ZNF845: variants seen among roughly 807,000 people sequenced by gnomAD.
ZNF845 encodes zinc finger protein 845.
In ZNF845, 59 loss-of-function variants were observed where a neutral mutation model predicts 76.1. The observed-to-expected ratio is 0.78, with a 90% CI of 0.63 to 0.96. The LOEUF is 0.96. ZNF845 is among the 40% of genes least tolerant of loss of function. The pLI, the probability that ZNF845 is intolerant of heterozygous loss-of-function variation, is 0.00. For missense variants in ZNF845, 1,045 were observed against 1,172.8 expected (o/e 0.89, Z 1.59); for synonymous variants, 361 against 386.9 (o/e 0.93, Z 0.78).
intron 3 of ZNF845, among the ~76,000 whole-genome samples, chr19:53,346,699 C>T (rs10424014): frequency 0.068 from 10,409 of 152,172 alleles, 695 homozygotes; most frequent in African/African-American, 0.18. Context: ...ATTTTCATCA[C>T]CTGTGAAAAC....
rs778200712 is a variant in ZNF845, at chr19:53,352,332, T to C, written c.1657T>C (p.Cys553Arg). The change falls in exon 4 of 4, where the codon TGT becomes CGT. Residue 553 changes from cysteine to arginine, a missense_variant. Coordinates refer to ENST00000458035, the MANE Select transcript of ZNF845 (RefSeq NM_138374.3). ...TCATACTGGAGAGAAACCTTACCAG[T>C]GTAATGAGTGTGGCAAAGCCTTTCG... ...RLHTGEKPYQCNECGKAFRGQ... is the reference protein window; with the variant it reads ...RLHTGEKPYQRNECGKAFRGQ... The C allele has an allele frequency of 9.3e-6, 15 of 1,613,868 alleles. No homozygotes were observed. The highest frequency in any genetic ancestry group is 6.7e-5 in the East Asian group (3 of 44,842).
rs1395094253 is a variant in ZNF845, at chr19:53,353,395, G to T, written c.2720G>T (p.Arg907Ile). The change falls in exon 4 of 4, where the codon AGA becomes ATA. Residue 907 changes from arginine to isoleucine, a missense_variant. Arg to Ile is a moderately conservative substitution (Grantham distance 97). Transcript: ENST00000458035. ...NQQAHLACHH[R>I]IHTGEKPYKC... ...CAAGCACACCTTGCATGTCATCATA[G>T]AATTCATACTGGAGAGAAACCTTAC... The T allele has an allele frequency of 1.2e-6, 2 of 1,610,500 alleles. No individual in the cohort carries two copies. The highest frequency in any genetic ancestry group is 1.7e-6 in the Non-Finnish European group (2 of 1,179,290).
chr19:53,351,008 A>G lies in ZNF845; in HGVS notation c.333A>G (p.Ala111=), dbSNP rs901798722. 5 of 1,614,178 alleles carry G rather than the reference A, an allele frequency of 3.1e-6. No homozygotes were observed. The highest frequency in any genetic ancestry group is 4.2e-6 in the Non-Finnish European group (5 of 1,180,030). The change falls in exon 4 of 4, where the codon GCA becomes GCG. Residue 111 remains alanine (A), a synonymous_variant. Coordinates refer to ENST00000458035, the MANE Select transcript of ZNF845 (RefSeq NM_138374.3). ...AAGATGAAAGAAATAGCCATGAAGC[A>G]CCCATGACAGAAATCAAACAGTTGA... ...WKEDERNSHE[A]PMTEIKQLTG...
rs57892423 is a variant in ZNF845 at position 53,350,697 on chromosome 19, C to G, written c.143-121C>G. 138 of 1,348,088 alleles carry G rather than the reference C, an allele frequency of 1.0e-4. No individual in the cohort carries two copies. The African/African-American group carries it at 1.9e-3, about 18-fold the overall frequency. The allele number at this position is 1,348,088 out of a possible 1,614,324, so 83.5% of individuals were successfully genotyped here. Reference sequence around the variant, plus strand: ...AATCTTACCCTTTTGCGTTCCTAAACTTTCAAGATAATGTTTGGGAAGTTT... The same window carrying G: ...AATCTTACCCTTTTGCGTTCCTAAAGTTTCAAGATAATGTTTGGGAAGTTT... On this transcript the variant is annotated intron_variant, in intron 3 of 3. Transcript: ENST00000458035.
chr19:53,350,472 A>C (rs1188772995), intron 3 of ZNF845, among the ~76,000 whole-genome samples: 1 of 152,192 alleles, frequency 6.6e-6, no homozygotes, highest in Non-Finnish European at 1.5e-5. Flanking sequence ...AAATATGAAG[A>C]ATATATGCTT....
At chr19:53,342,044 G>A (rs1183257973) in intron 2 of ZNF845, among the ~76,000 whole-genome samples, 1 of 151,812 alleles carries the variant, frequency 6.6e-6, no homozygotes, top group East Asian at 1.9e-4. Flanking sequence ...TATGGGAGCA[G>A]TACTTCATTT....
rs1163585261 is a variant in ZNF845, at chr19:53,355,925, G to A, written c.*2337G>A. On this transcript the variant is annotated 3_prime_UTR_variant, in exon 4 of 4. Transcript: ENST00000458035. ...TTTTTATCTGTCATTCTGTGCAAGT[G>A]TGTATCCCATTGATTTGAGTATGTT... 6.6e-6 allele frequency: 1 copy of A among 152,180 alleles called. No homozygotes were observed. The highest frequency in any genetic ancestry group is 1.5e-5 in the Non-Finnish European group (1 of 68,026). 9.4% of individuals were successfully genotyped at this position (152,180 alleles called of 1,614,324 possible). A position where few individuals can be genotyped will look rare whatever the true frequency, so the allele number is the denominator to read the frequency against.
chr19:53,344,133 C>G (rs972582670), intron 2 of ZNF845, among the ~76,000 whole-genome samples: 2 of 152,158 alleles, frequency 1.3e-5, no homozygotes, highest in African/African-American at 4.8e-5. Context: ...GCCACTGTGC[C>G]AGGCTGGATT....
At chr19:53,338,813 G>C (rs1355438873) in intron 1 of ZNF845, among the ~76,000 whole-genome samples, 1 of 151,988 alleles carries the variant, frequency 6.6e-6, no homozygotes, top group Non-Finnish European at 1.5e-5. Context: ...GTGTGTGGTG[G>C]CTCACGCCTG....
At chr19:53,336,000 T>C (rs546111796) in intron 1 of ZNF845, among the ~76,000 whole-genome samples, 16 of 151,330 alleles carry the variant, frequency 1.1e-4, no homozygotes, top group Non-Finnish European at 2.2e-4. Context: ...GATCACAAGG[T>C]CAGGAATTCA....
chr19:53,347,697 G>C (rs1401246723), intron 3 of ZNF845, among the ~76,000 whole-genome samples: 1 of 152,146 alleles, frequency 6.6e-6, no homozygotes, highest in Admixed American at 6.5e-5. Context: ...GTCAGCCTTC[G>C]GTGATGTTGA....
chr19:53,350,628 A>G (rs191471594), intron 3 of ZNF845, among the ~76,000 whole-genome samples, 190 bp from the exon 4 acceptor site: 2 of 152,334 alleles, frequency 1.3e-5, no homozygotes, highest in Admixed American at 1.3e-4. Flanking sequence ...AGGCTTCCAT[A>G]GAAATGATTT....
chr19:53,353,162 A>C lies in ZNF845; in HGVS notation c.2487A>C (p.Lys829Asn). Residue 829 changes from lysine (K) to asparagine (N), a missense_variant, in exon 4 of 4, where the codon AAA (lysine) becomes AAC (asparagine). By Grantham distance (94) the Lys-to-Asn change is moderately conservative. Coordinates refer to ENST00000458035, the MANE Select transcript of ZNF845 (RefSeq NM_138374.3). ...VIHKAIHSGE[K>N]PYKCNECGKT... ...ATAAGGCAATTCATAGTGGAGAGAA[A>C]CCTTACAAGTGTAATGAGTGTGGCA... The C allele has an allele frequency of 6.2e-7, 1 of 1,613,092 alleles. No individual in the cohort carries two copies. Among genetic ancestry groups the C allele is most frequent in the Non-Finnish European group, 8.5e-7 (1 of 1,179,164 alleles).
intron 3 of ZNF845, among the ~76,000 whole-genome samples, chr19:53,349,204 G>A (rs1044913169): frequency 6.6e-6 from 1 of 151,860 alleles, no homozygotes; most frequent in African/African-American, 2.4e-5. Context: ...TTTTGACCTC[G>A]TACATCAGAA....
intron 1 of ZNF845, among the ~76,000 whole-genome samples, chr19:53,336,633 C>CTTTTT (rs398035035): frequency 4.2e-4 from 39 of 92,394 alleles, no homozygotes; most frequent in East Asian, 6.9e-4. Flanking sequence ...TTCTTTCTTT[C>CTTTTT]TTTTTTTTTT....
chr19:53,340,079 T>G (rs1206211970), intron 1 of ZNF845, among the ~76,000 whole-genome samples: 1 of 152,100 alleles, frequency 6.6e-6, no homozygotes, highest in Non-Finnish European at 1.5e-5. Flanking sequence ...GAGACAGAGT[T>G]TTGCTCTTGT....
rs1356794039 is a variant in ZNF845, at chr19:53,356,683, A to G, written c.*3095A>G. 4 of 152,156 alleles carry G rather than the reference A, an allele frequency of 2.6e-5. No individual in the cohort carries two copies. Among genetic ancestry groups the G allele is most frequent in the African/African-American group, 9.7e-5 (4 of 41,428 alleles). 9.4% of individuals were successfully genotyped at this position (152,156 alleles called of 1,614,324 possible). A position where few individuals can be genotyped will look rare whatever the true frequency, so the allele number is the denominator to read the frequency against. ...GGTGGCTCACGCCTGTAATCCCAGC[A>G]CTTTGGGAGGCTAAGGTGGGCGGAT... On this transcript the variant is annotated 3_prime_UTR_variant, in exon 4 of 4. Coordinates refer to ENST00000458035, the MANE Select transcript of ZNF845 (RefSeq NM_138374.3).
In ZNF845 at chr19:53,351,409, G is replaced by C. The variant is rs746322112; in HGVS notation, c.734G>C (p.Cys245Ser). 6.2e-7 allele frequency: 1 copy of C among 1,614,230 alleles called. No individual in the cohort carries two copies. ...CATTTAGGAGCGAAACAATATAAAT[G>C]TGATGTGTGTGGCAAGGTCTTTAAT... ...IIHLGAKQYKCDVCGKVFNQK... is the reference protein window; with the variant it reads ...IIHLGAKQYKSDVCGKVFNQK... The change falls in exon 4 of 4, where the codon TGT becomes TCT. Residue 245 changes from cysteine (C) to serine (S), a missense_variant. By Grantham distance (112) the Cys-to-Ser change is moderately radical. Coordinates refer to ENST00000458035, the MANE Select transcript of ZNF845 (RefSeq NM_138374.3).
At chr19:53,350,755 A>G in intron 3 of ZNF845, 63 bp from the exon 4 acceptor site, 1 of 1,544,422 alleles carries the variant, frequency 6.5e-7, no homozygotes, top group South Asian at 1.2e-5. Flanking sequence ...TCACATTTAC[A>G]CATTTCAGTA....
Sources: allele counts gnomAD v4.1 joint callset (sites outside exome capture counted in the v4.1 genomes callset), GRCh38; gene constraint gnomAD v4.1.1; transcripts MANE v1.5; gene names NCBI Gene and HGNC (gene_info 2026-07-23, HGNC 2026-07-21).